The following UTRN variants were observed in gnomAD, a reference collection of about 807,000 sequenced individuals.
The protein encoded by UTRN is utrophin, also known as dystrophin-related protein 1.
Under a neutral mutation model 463.9 loss-of-function variants are expected in UTRN, and 283 were observed. That is an observed-to-expected ratio of 0.61 (90% CI 0.55 to 0.67). The LOEUF is 0.67. Among genes scored for constraint, UTRN ranks in the 30% least tolerant of loss-of-function variants. The pLI, the probability that UTRN is intolerant of heterozygous loss-of-function variation, is 0.00. For missense variants in UTRN, 3,922 were observed against 4,084.3 expected (o/e 0.96, Z 1.08); for synonymous variants, 1,442 against 1,431.5 (o/e 1.01, Z -0.17).
chr6:144,408,249 G>T (rs527935580), intron 3 of UTRN, among the ~76,000 whole-genome samples: 3 of 152,360 alleles, frequency 2.0e-5, no homozygotes, highest in South Asian at 4.1e-4. Context: ...TTCTTCCATT[G>T]TATGGTGTGT....
chr6:144,544,226 A>G (rs1798212232), intron 46 of UTRN, among the ~76,000 whole-genome samples: 2 of 152,198 alleles, frequency 1.3e-5, no homozygotes, highest in Admixed American at 1.3e-4. Flanking sequence ...CTCTCCTCCT[A>G]CGCAGTGTTT....
intron 51 of UTRN, among the ~76,000 whole-genome samples, chr6:144,588,429 G>T (rs1802683450): frequency 6.6e-6 from 1 of 152,090 alleles, no homozygotes; most frequent in Admixed American, 6.5e-5. Flanking sequence ...CTCACTTAAA[G>T]AATAACTAAT....
chr6:144,592,375 T>A (rs1803177387), intron 51 of UTRN, among the ~76,000 whole-genome samples: 1 of 150,990 alleles, frequency 6.6e-6, no homozygotes. Context: ...ATTTTTAAAT[T>A]TTTTTTTTTA....
At chr6:144,550,592 T>C (rs7758990) in intron 47 of UTRN, among the ~76,000 whole-genome samples, 3,767 of 152,324 alleles carry the variant, frequency 0.025, 161 homozygotes, top group African/African-American at 0.084. Flanking sequence ...GATATGCAAG[T>C]CATCATCAGC....
At chr6:144,491,239 C>T (rs766192372) in intron 32 of UTRN, 137 bp downstream of exon 32, 162 of 809,488 alleles carry the variant, frequency 2.0e-4, no homozygotes, top group Admixed American at 4.3e-4. Context: ...TGATGGAAAA[C>T]GTGTTAAAAA....
intron 3 of UTRN, among the ~76,000 whole-genome samples, chr6:144,412,884 G>A (rs1210845006): frequency 6.6e-6 from 1 of 151,928 alleles, no homozygotes; most frequent in Non-Finnish European, 1.5e-5. Context: ...AATCAGTGTC[G>A]AAGGGCTCAA....
intron 3 of UTRN, among the ~76,000 whole-genome samples, chr6:144,418,288 A>T (rs1383624304): frequency 6.8e-6 from 1 of 147,578 alleles, no homozygotes; most frequent in Non-Finnish European, 1.5e-5. Flanking sequence ...ATCTTGGCTC[A>T]CTGCAAGCTC....
At chr6:144,497,716 A>T (rs1793796505) in intron 33 of UTRN, among the ~76,000 whole-genome samples, 1 of 151,944 alleles carries the variant, frequency 6.6e-6, no homozygotes, top group Non-Finnish European at 1.5e-5. Flanking sequence ...TGCAGAAATC[A>T]CAGGTATGTA....
intron 49 of UTRN, among the ~76,000 whole-genome samples, chr6:144,555,270 G>A (rs985208728): frequency 6.6e-6 from 1 of 152,124 alleles, no homozygotes; most frequent in Non-Finnish European, 1.5e-5. Flanking sequence ...AATTTATGAA[G>A]AAAGGAGATT....
chr6:144,669,061 T>G (rs1780722696), intron 51 of UTRN, among the ~76,000 whole-genome samples: 1 of 152,192 alleles, frequency 6.6e-6, no homozygotes, highest in Non-Finnish European at 1.5e-5. Context: ...CACACTTACT[T>G]ATGATACATT....
At chr6:144,366,421 G>T (rs1338513865) in intron 2 of UTRN, among the ~76,000 whole-genome samples, 1 of 152,032 alleles carries the variant, frequency 6.6e-6, no homozygotes, top group East Asian at 1.9e-4. Flanking sequence ...CCTCTGGTAG[G>T]TCCCATGTCT....
At chr6:144,420,687 T>G (rs1206844667) in intron 3 of UTRN, among the ~76,000 whole-genome samples, 1 of 152,202 alleles carries the variant, frequency 6.6e-6, no homozygotes, top group Non-Finnish European at 1.5e-5. Context: ...CAAAGTGCCT[T>G]AAGTGTTAAG....
At chr6:144,354,126 A>G (rs554849838) in intron 2 of UTRN, among the ~76,000 whole-genome samples, 3 of 152,298 alleles carry the variant, frequency 2.0e-5, no homozygotes, top group South Asian at 4.1e-4. Flanking sequence ...TCATTTTGCA[A>G]CTGTTTTCAC....
In UTRN at chr6:144,781,866, TATGTAATGTA is replaced by T. The variant is rs527712545; in HGVS notation, c.8633-42_8633-33del. ...AGAAATGCCTTTGTTGTGATGTTGT[TATGTAATGTA>T]ATGTAATGTAATGACTGTAAACATT... is the stretch of plus-strand genomic sequence containing the variant. On this transcript the variant is annotated intron_variant, in intron 60 of 74. Coordinates refer to ENST00000367545, the MANE Select transcript of UTRN (RefSeq NM_007124.3). The T allele has an allele frequency of 1.5e-3, 1,949 of 1,321,602 alleles. 41 individuals carry two copies. The East Asian group carries it at 0.043, about 29-fold the overall frequency. The allele number at this position is 1,321,602 out of a possible 1,614,324, so 81.9% of individuals were successfully genotyped here. A position where few individuals can be genotyped will look rare whatever the true frequency, so the allele number is the denominator to read the frequency against.
At chr6:144,718,377 G>A (rs1458156566) in intron 53 of UTRN, among the ~76,000 whole-genome samples, 2 of 152,204 alleles carry the variant, frequency 1.3e-5, no homozygotes, top group African/African-American at 4.8e-5. Flanking sequence ...GGCTGAGGCA[G>A]AAAGATCACT....
intron 2 of UTRN, among the ~76,000 whole-genome samples, chr6:144,338,207 G>T (rs935992788): frequency 1.3e-5 from 2 of 152,086 alleles, no homozygotes; most frequent in African/African-American, 4.8e-5. Flanking sequence ...GTCGCATAAT[G>T]AGTATTTTTA....
intron 38 of UTRN, 90 bp from the exon 39 acceptor site, chr6:144,516,721 G>A (rs1301393428): frequency 1.1e-5 from 12 of 1,067,162 alleles, no homozygotes; most frequent in South Asian, 3.0e-5. Context: ...ACTATACTAA[G>A]TAGGTTAGTT....
chr6:144,459,902 A>G (rs1011251517), intron 21 of UTRN, among the ~76,000 whole-genome samples: 3 of 152,122 alleles, frequency 2.0e-5, no homozygotes, highest in Admixed American at 6.6e-5. Flanking sequence ...CTCCCAAAAT[A>G]ACAGGTGTTA....
At chr6:144,434,977 C>T (rs1196269586) in intron 9 of UTRN, among the ~76,000 whole-genome samples, 1 of 152,148 alleles carries the variant, frequency 6.6e-6, no homozygotes, top group African/African-American at 2.4e-5. Context: ...ATTATATGGT[C>T]ACCCTGAAGA....
Sources: allele counts gnomAD v4.1 joint callset (sites outside exome capture counted in the v4.1 genomes callset), GRCh38; gene constraint gnomAD v4.1.1; transcripts MANE v1.5; gene names NCBI Gene and HGNC (gene_info 2026-07-23, HGNC 2026-07-21).